Variants in ARHGAP18 observed in about 807,000 individuals in gnomAD.
ARHGAP18 encodes the protein rho GTPase-activating protein 18.
A neutral mutation model predicts 86.2 loss-of-function variants in ARHGAP18; 67 were observed. That is an observed-to-expected ratio of 0.78 (90% CI 0.64 to 0.95). ARHGAP18 has a LOEUF of 0.95. Among genes scored for constraint, ARHGAP18 ranks in the 40% least tolerant of loss-of-function variants. The pLI is 0.00. For missense variants in ARHGAP18, 691 were observed against 780.4 expected (o/e 0.89, Z 1.37); for synonymous variants, 283 against 280.4 (o/e 1.01, Z -0.09).
chr6:129,650,215 C>T lies in ARHGAP18; in HGVS notation c.114-8197G>A, dbSNP rs574364661. Among the ~76,000 whole-genome samples, 4 of 152,102 alleles carry T rather than the reference C, an allele frequency of 2.6e-5. No individual in the cohort carries two copies. The South Asian group carries it at 8.3e-4, about 32-fold the overall frequency. ...CTGAGATCACAGGCGTGAGTCACTG[C>T]ACCTTGCCTCACTCTACTTCTTGAC... On this transcript the variant is annotated intron_variant, in intron 1 of 14. Coordinates refer to ENST00000368149, the MANE Select transcript of ARHGAP18 (RefSeq NM_033515.3).
intron 1 of ARHGAP18, among the ~76,000 whole-genome samples, chr6:129,665,725 C>T (rs187456090): frequency 2.4e-4 from 37 of 152,238 alleles, no homozygotes; most frequent in African/African-American, 7.9e-4. Context: ...ATCAGAAAAG[C>T]CTGGATCATA....
chr6:129,606,024 T>C (rs555606373), intron 9 of ARHGAP18, 65 bp from the exon 10 acceptor site: 29 of 1,516,932 alleles, frequency 1.9e-5, no homozygotes, highest in Non-Finnish European at 2.6e-5. Flanking sequence ...ACTTTATTTT[T>C]TCACTTTTTA....
At chr6:129,603,033 G>T (rs1416635246) in intron 10 of ARHGAP18, among the ~76,000 whole-genome samples, 1 of 150,830 alleles carries the variant, frequency 6.6e-6, no homozygotes, top group Non-Finnish European at 1.5e-5. Context: ...GATATAGGTG[G>T]TTTTTGCTTA....
At chr6:129,697,502 C>G (rs1382304016) in intron 1 of ARHGAP18, among the ~76,000 whole-genome samples, 2 of 151,854 alleles carry the variant, frequency 1.3e-5, no homozygotes, top group African/African-American at 4.8e-5. Flanking sequence ...TACCAAAACC[C>G]ACATTTTTCT....
intron 1 of ARHGAP18, among the ~76,000 whole-genome samples, chr6:129,643,071 A>G (rs1231787986): frequency 6.6e-6 from 1 of 152,012 alleles, no homozygotes; most frequent in African/African-American, 2.4e-5. Context: ...ACCTACTTCT[A>G]AAATTGAATT....
intron 7 of ARHGAP18, among the ~76,000 whole-genome samples, chr6:129,614,719 A>G (rs1789056840): frequency 2.0e-5 from 3 of 151,324 alleles, no homozygotes; most frequent in Non-Finnish European, 4.4e-5. Flanking sequence ...GTGTTCAGTC[A>G]AACAGCAGTC....
At chr6:129,625,674 A>T (rs1789413836) in intron 5 of ARHGAP18, among the ~76,000 whole-genome samples, 1 of 45,812 alleles carries the variant, frequency 2.2e-5, no homozygotes, top group South Asian at 6.0e-4. Context: ...TTTATATTAT[A>T]TTATATATAT....
chr6:129,581,973 C>A (rs1788298709), intron 13 of ARHGAP18, among the ~76,000 whole-genome samples: 1 of 152,006 alleles, frequency 6.6e-6, no homozygotes, highest in Non-Finnish European at 1.5e-5. Context: ...AAATGAGGAA[C>A]TTGATACTTA....
chr6:129,688,075 A>G (rs960689209), intron 1 of ARHGAP18, among the ~76,000 whole-genome samples: 20 of 152,224 alleles, frequency 1.3e-4, no homozygotes, highest in African/African-American at 4.6e-4. Flanking sequence ...ATGAAAAGAA[A>G]TCCCAATTCT....
chr6:129,704,454 AAAAC>A (rs1479676679), intron 1 of ARHGAP18, among the ~76,000 whole-genome samples: 1 of 152,090 alleles, frequency 6.6e-6, no homozygotes, highest in Non-Finnish European at 1.5e-5. Context: ...CTGAAAACAA[AAAAC>A]AAACAAAAAA....
At chr6:129,669,239 A>T (rs1293046015) in intron 1 of ARHGAP18, among the ~76,000 whole-genome samples, 2 of 151,060 alleles carry the variant, frequency 1.3e-5, no homozygotes, top group Non-Finnish European at 2.9e-5. Flanking sequence ...TGGCGAGGTC[A>T]CGGCTCACTG....
At chr6:129,663,515 G>T (rs768729565) in intron 1 of ARHGAP18, among the ~76,000 whole-genome samples, 8 of 151,984 alleles carry the variant, frequency 5.3e-5, no homozygotes, top group Non-Finnish European at 1.2e-4. Context: ...AGAAAAATTG[G>T]GTGCTTTGCC....
At chr6:129,652,868 T>A (rs749920895) in intron 1 of ARHGAP18, among the ~76,000 whole-genome samples, 2 of 152,218 alleles carry the variant, frequency 1.3e-5, no homozygotes, top group Non-Finnish European at 2.9e-5. Context: ...ATAAACAATG[T>A]TTTGAAATTT....
At chr6:129,608,117 C>CT (rs993470846) in intron 8 of ARHGAP18, 65 bp from the exon 9 acceptor site, 2 of 1,461,590 alleles carry the variant, frequency 1.4e-6, no homozygotes, top group African/African-American at 2.9e-5. Flanking sequence ...TTTTTTCTTG[C>CT]TGAGAGTATG....
chr6:129,610,370 A>AC (rs1199374398), intron 8 of ARHGAP18, among the ~76,000 whole-genome samples: 3 of 152,240 alleles, frequency 2.0e-5, no homozygotes, highest in Non-Finnish European at 4.4e-5. Flanking sequence ...GCAGGAGGAC[A>AC]CGTGGTACCC....
chr6:129,665,325 G>A (rs910396576), intron 1 of ARHGAP18, among the ~76,000 whole-genome samples: 10 of 152,110 alleles, frequency 6.6e-5, no homozygotes, highest in Admixed American at 1.3e-4. Flanking sequence ...CGGGTAGATC[G>A]CTTTGAGCTC....
At chr6:129,646,438 C>T (rs1229298592) in intron 1 of ARHGAP18, among the ~76,000 whole-genome samples, 1 of 152,144 alleles carries the variant, frequency 6.6e-6, no homozygotes, top group Non-Finnish European at 1.5e-5. Context: ...AGAATATTCT[C>T]AAGCTTTGTG....
At chr6:129,645,822 C>A (rs899352955) in intron 1 of ARHGAP18, among the ~76,000 whole-genome samples, 2 of 152,124 alleles carry the variant, frequency 1.3e-5, no homozygotes, top group Non-Finnish European at 2.9e-5. Flanking sequence ...TCCTGATGGG[C>A]CTTCCTGGAA....
rs535723615 is a variant in ARHGAP18, at chr6:129,634,992, G to A, written c.553-887C>T. The stretch of plus-strand genomic sequence containing the variant: ...GGAATTCCTGTTTTCAAGGGGTCGG[G>A]GCAGTGACGCCCAAGGAACGGGGCC... On this transcript the variant is annotated intron_variant, in intron 3 of 14. Coordinates refer to ENST00000368149, the MANE Select transcript of ARHGAP18 (RefSeq NM_033515.3). 2.0e-3 allele frequency among the ~76,000 whole-genome samples: 305 copies of A among 152,164 alleles called. 2 individuals carry two copies. The highest frequency in any genetic ancestry group is 7.1e-3 in the African/African-American group (293 of 41,516).
Sources: gnomAD v4.1 joint callset for allele counts (sites outside exome capture counted in the v4.1 genomes callset) on GRCh38, gnomAD v4.1.1 for gene constraint, MANE v1.5 for transcripts, NCBI Gene and HGNC (gene_info 2026-07-23, HGNC 2026-07-21) for gene names.